The following KCNC4 variants were observed in gnomAD, a reference collection of about 807,000 sequenced individuals.
KCNC4 encodes the protein voltage-gated potassium channel KCNC4.
In KCNC4, 23 loss-of-function variants were observed where a neutral mutation model predicts 42.8. The observed-to-expected ratio is 0.54, with a 90% CI of 0.39 to 0.76. The LOEUF is 0.76. KCNC4 is among the 30% of genes least tolerant of loss of function. The pLI, the probability that KCNC4 is intolerant of heterozygous loss-of-function variation, is 0.00. For synonymous variants in KCNC4, 422 were observed against 393.5 expected, an observed-to-expected ratio of 1.07 and a Z score of -0.86; for missense variants, 751 against 898.2, an observed-to-expected ratio of 0.84 and a Z score of 2.10.
chr1:110,217,290 GTT>G (rs989792213), intron 1 of KCNC4, among the ~76,000 whole-genome samples: 4 of 152,200 alleles, frequency 2.6e-5, no homozygotes, highest in African/African-American at 9.6e-5. Context: ...TGTAGGAGGT[GTT>G]CAGAGAGGCT....
At chr1:110,212,278 C>G in intron 1 of KCNC4, 101 bp downstream of exon 1, 1 of 1,227,200 alleles carries the variant, frequency 8.1e-7, no homozygotes, top group Non-Finnish European at 1.0e-6. Flanking sequence ...GCCTGACTTA[C>G]CTTACCACCG....
chr1:110,235,499 C>T (rs1209764696), downstream of KCNC4: 1 of 152,228 alleles, frequency 6.6e-6, no homozygotes, highest in East Asian at 1.9e-4. Flanking sequence ...ATTTCATGGT[C>T]AGGGGCTGAG....
At chr1:110,221,102 C>G (rs1448375926) in intron 1 of KCNC4, 3 of 152,156 alleles carry the variant, frequency 2.0e-5, no homozygotes, top group African/African-American at 7.2e-5. Flanking sequence ...GCACACTTTC[C>G]CACGGGTGAA....
At chr1:110,277,403 A>G (rs1274662157) in intron 1 of KCNC4, among the ~76,000 whole-genome samples, 1 of 152,234 alleles carries the variant, frequency 6.6e-6, no homozygotes, top group African/African-American at 2.4e-5. Flanking sequence ...AATAAGTTTT[A>G]TTGGTGAAAT....
At chr1:110,224,025 G>C (rs1658262823) in intron 2 of KCNC4, 125 bp downstream of exon 2, 2 of 792,572 alleles carry the variant, frequency 2.5e-6, no homozygotes, top group Non-Finnish European at 4.0e-6. Context: ...ATAAAGATGT[G>C]CCTTTATGAG....
chr1:110,232,747 TC>T, intron 3 of KCNC4, 163 bp from the exon 4 acceptor site: 1 of 1,531,858 alleles, frequency 6.5e-7, no homozygotes, highest in Non-Finnish European at 8.7e-7. Flanking sequence ...CCTGGTCTAC[TC>T]CTTAGCCCAC....
chr1:110,232,402 A>G (rs1658740648), intron 3 of KCNC4: 5 of 1,530,340 alleles, frequency 3.3e-6, no homozygotes, highest in African/African-American at 1.4e-5. Flanking sequence ...GTGACAGCAG[A>G]TGGAGCTACT....
chr1:110,212,907 C>T (rs962344407), intron 1 of KCNC4, among the ~76,000 whole-genome samples: 2 of 152,132 alleles, frequency 1.3e-5, no homozygotes, highest in African/African-American at 4.8e-5. Flanking sequence ...CAGGCTCCCA[C>T]GGCCAGTGGC....
chr1:110,270,062 T>C (rs1659611873), intron 1 of KCNC4, among the ~76,000 whole-genome samples: 1 of 152,216 alleles, frequency 6.6e-6, no homozygotes, highest in Non-Finnish European at 1.5e-5. Flanking sequence ...CATGAAGCTT[T>C]CTAGGTTGCT....
rs1659315862 is a variant in KCNC4, at chr1:110,255,579, T to C, written n.31-26955T>C. On this transcript the variant is annotated intron_variant and non_coding_transcript_variant, in intron 1 of 2. Transcript: ENST00000412512. ...TCATTGCTACAGACACCCAGGCAAA[T>C]CAGTATTCTGCTACTGGCCTCCCCA... Among the ~76,000 whole-genome samples the C allele has an allele frequency of 2.0e-5, 3 of 152,130 alleles. No homozygotes were observed. In the South Asian group the frequency reaches 6.2e-4, roughly 32 times the overall value.
intron 1 of KCNC4, among the ~76,000 whole-genome samples, chr1:110,260,683 C>T (rs1659408067): frequency 6.6e-6 from 1 of 152,178 alleles, no homozygotes; most frequent in African/African-American, 2.4e-5. Flanking sequence ...AAACAATTGT[C>T]TCTTTGGGAG....
At chr1:110,248,774 T>C (rs369224238) in exon 4 of KCNC4, 1 of 152,354 alleles carries the variant, frequency 6.6e-6, no homozygotes, top group East Asian at 1.9e-4. Context: ...GACTCAATTA[T>C]TAACATACCT....
At chr1:110,225,950 C>T (rs1482884440) in intron 2 of KCNC4, 25 bp from the exon 3 acceptor site, 5 of 1,554,540 alleles carry the variant, frequency 3.2e-6, no homozygotes, top group Non-Finnish European at 4.4e-6. Context: ...CCTCATGCAG[C>T]CTCCTTTCTG....
chr1:110,250,772 A>C (rs985058901), downstream of KCNC4, among the ~76,000 whole-genome samples: 1 of 152,124 alleles, frequency 6.6e-6, no homozygotes, highest in Admixed American at 6.5e-5. Context: ...CCCCCTACAC[A>C]GCCAGTCTGC....
At chr1:110,266,294 A>G (rs1659539867) in intron 1 of KCNC4, among the ~76,000 whole-genome samples, 1 of 152,160 alleles carries the variant, frequency 6.6e-6, no homozygotes, top group Non-Finnish European at 1.5e-5. Flanking sequence ...TCATAGCCGC[A>G]ACACCGAAAC....
In KCNC4 at chr1:110,223,232, T is replaced by C. The variant is rs1349937823; in HGVS notation, c.947T>C (p.Ile316Thr). ...GACTTCGTCAAGAACCTGCTCAACA[T>C]CATCGACTTTGTGGCCATCCTGCCC... ...TLDFVKNLLNIIDFVAILPFY... is the reference protein window; with the variant it reads ...TLDFVKNLLNTIDFVAILPFY... Residue 316 changes from isoleucine to threonine, a missense_variant, in exon 2 of 4, where the codon ATC (isoleucine) becomes ACC (threonine). Ile to Thr is a moderately conservative substitution (Grantham distance 89, BLOSUM62 -1). Coordinates refer to ENST00000438661, the MANE Select transcript of KCNC4 (RefSeq NM_001039574.3). This position sits in a 1 kb window ranked among gnomAD's most constrained non-coding sequence, Gnocchi z 7.5. 2 of 1,614,088 alleles carry C rather than the reference T, an allele frequency of 1.2e-6. No homozygotes were observed. Among genetic ancestry groups the C allele is most frequent in the African/African-American group, 2.7e-5 (2 of 74,942 alleles).
chr1:110,227,402 T>C (rs2101028395), intron 3 of KCNC4, among the ~76,000 whole-genome samples: 1 of 152,196 alleles, frequency 6.6e-6, no homozygotes, highest in South Asian at 2.1e-4. Flanking sequence ...CCCTGAAAGG[T>C]GTGTGTCCAG....
intron 2 of KCNC4, chr1:110,225,251 G>A (rs1365091851): frequency 6.6e-6 from 1 of 152,300 alleles, no homozygotes; most frequent in Non-Finnish European, 1.5e-5. Flanking sequence ...GTAAGGGCAT[G>A]CCTGGCCAAT....
At chr1:110,249,525 T>C (rs1164912038), downstream of KCNC4, among the ~76,000 whole-genome samples, 3 of 152,158 alleles carry the variant, frequency 2.0e-5, no homozygotes, top group Admixed American at 1.3e-4. Context: ...TTCCTTCCAA[T>C]GAGTCTGATA....
Sources: allele counts gnomAD v4.1 joint callset (sites outside exome capture counted in the v4.1 genomes callset), GRCh38; gene constraint gnomAD v4.1.1; non-coding constraint Gnocchi (gnomAD v3.1); transcripts MANE v1.5; gene names NCBI Gene and HGNC (gene_info 2026-07-23, HGNC 2026-07-21).